ETFDH: variants seen among roughly 807,000 people sequenced by gnomAD.
ETFDH encodes the protein electron transfer flavoprotein-ubiquinone oxidoreductase, mitochondrial.
In ETFDH, 61 loss-of-function variants were observed where a neutral mutation model predicts 73.2. That is an observed-to-expected ratio of 0.83 (90% CI 0.68 to 1.03). The LOEUF is 1.03. ETFDH is among the 50% of genes least tolerant of loss of function. The probability of loss-of-function intolerance (pLI) is 0.00; values close to 1 mark genes in which losing one functional copy is unlikely to be tolerated. For missense variants in ETFDH, 685 were observed against 745.0 expected (o/e 0.92, Z 0.94); for synonymous variants, 243 against 253.3 (o/e 0.96, Z 0.39).
In ETFDH at chr4:158,699,043, G is replaced by A. The variant is rs1425390308; in HGVS notation, c.1029G>A (p.Trp343Ter). The A allele has an allele frequency of 1.9e-6, 3 of 1,613,114 alleles. No homozygotes were observed. The highest frequency in any genetic ancestry group is 2.5e-6 in the Non-Finnish European group (3 of 1,179,104). The part of the protein sequence containing the change: ...YLSPFREFQR[W>*]KHHPSIRPTL... ...GTCCATTTAGAGAGTTCCAAAGGTG[G>A]AAACACCATCCTAGCATTCGGCCAA... The change falls in exon 9 of 13, where the codon TGG becomes TGA. Residue 343 changes from tryptophan (W) to a stop codon, truncating the protein, a stop_gained. Coordinates refer to ENST00000511912, the MANE Select transcript of ETFDH (RefSeq NM_004453.4). LOFTEE classifies it high-confidence loss of function.
chr4:158,678,345 C>G (rs976660575), intron 1 of ETFDH, among the ~76,000 whole-genome samples: 4 of 152,070 alleles, frequency 2.6e-5, no homozygotes, highest in Non-Finnish European at 5.9e-5. Context: ...TGTAGAATGT[C>G]CCTCAATCTG....
Position 158,688,176 on chromosome 4 carries a change from G to A in ETFDH, c.607-2172G>A, listed in dbSNP as rs146649926. Reference sequence around the variant, plus strand: ...TGGGAGGCCCAGGTGGGCGGATCACGAGGTCAAGAGATCGAGACCATCCTG... The same window carrying A: ...TGGGAGGCCCAGGTGGGCGGATCACAAGGTCAAGAGATCGAGACCATCCTG... On this transcript the variant is annotated intron_variant, in intron 5 of 12. Coordinates refer to ENST00000511912, the MANE Select transcript of ETFDH (RefSeq NM_004453.4). 3.4e-3 allele frequency among the ~76,000 whole-genome samples: 518 copies of A among 152,178 alleles called. 1 individual carries two copies. The highest frequency in any genetic ancestry group is 0.012 in the African/African-American group (481 of 41,518).
At chr4:158,686,873 A>C (rs764477238) in intron 5 of ETFDH, among the ~76,000 whole-genome samples, 1 of 152,174 alleles carries the variant, frequency 6.6e-6, no homozygotes, top group African/African-American at 2.4e-5. Context: ...AAATTGGCTC[A>C]CAAGAGGCAG....
intron 6 of ETFDH, among the ~76,000 whole-genome samples, chr4:158,692,362 T>C (rs1430372924): frequency 7.2e-6 from 1 of 139,050 alleles, no homozygotes; most frequent in Non-Finnish European, 1.5e-5. Context: ...ATCACACCAC[T>C]GCACTCCAGC....
At chr4:158,673,689 T>C (rs1773640840) in intron 1 of ETFDH, among the ~76,000 whole-genome samples, 1 of 152,260 alleles carries the variant, frequency 6.6e-6, no homozygotes, top group Non-Finnish European at 1.5e-5. Flanking sequence ...AGATGGTGTT[T>C]GGAACGTTAA....
intron 6 of ETFDH, among the ~76,000 whole-genome samples, chr4:158,692,348 C>T (rs1774189431): frequency 7.0e-6 from 1 of 143,394 alleles, no homozygotes; most frequent in African/African-American, 2.6e-5. Flanking sequence ...TGCAGTGAGC[C>T]GAGATCACAC....
intron 1 of ETFDH, chr4:158,679,975 C>G (rs1773802702): frequency 6.7e-6 from 1 of 149,380 alleles, no homozygotes; most frequent in African/African-American, 2.5e-5. Flanking sequence ...GTCCCAGATA[C>G]TCTGGAGGCT....
intron 6 of ETFDH, among the ~76,000 whole-genome samples, chr4:158,692,810 C>T (rs1774208464): frequency 1.4e-5 from 2 of 139,264 alleles, no homozygotes; most frequent in South Asian, 2.3e-4. Flanking sequence ...CAGTGAGCCA[C>T]GATCGCACCA....
At position 158,695,617 on chromosome 4, in the gene ETFDH, C is replaced by CA; in HGVS notation, c.808dup (p.Thr270AsnfsTer13). The CA allele has an allele frequency of 6.2e-7, 1 of 1,611,800 alleles. No individual in the cohort carries two copies. The highest frequency in any genetic ancestry group is 8.5e-7 in the Non-Finnish European group (1 of 1,177,966). On this transcript the variant is annotated frameshift_variant, in exon 7 of 13. Transcript: ENST00000511912. LOFTEE classifies it high-confidence loss of function. ...TGATTTGAGAGCAAATTGTGAACCT[C>CA]AAACCTACGGGATTGGACTGAAGGA...
At chr4:158,691,102 T>C (rs1337103157) in intron 6 of ETFDH, among the ~76,000 whole-genome samples, 3 of 152,182 alleles carry the variant, frequency 2.0e-5, no homozygotes, top group Non-Finnish European at 2.9e-5. Flanking sequence ...AAAGATTTTA[T>C]TTCATTTAGT....
chr4:158,673,204 T>A (rs551994380), intron 1 of ETFDH, among the ~76,000 whole-genome samples: 20 of 152,278 alleles, frequency 1.3e-4, no homozygotes, highest in African/African-American at 4.6e-4. Flanking sequence ...CTCAGGAGGC[T>A]TAGGTAGGAG....
Position 158,691,603 on chromosome 4 carries a change from G to A in ETFDH, c.684+1178G>A, listed in dbSNP as rs184136015. On this transcript the variant is annotated intron_variant, in intron 6 of 12. Transcript: ENST00000511912. Reference sequence around the variant, plus strand: ...CTCCCAAATTGCTGGGATTACAGGCGTGAGCCACCGTGCCTGGCCTTTATC... The same window carrying A: ...CTCCCAAATTGCTGGGATTACAGGCATGAGCCACCGTGCCTGGCCTTTATC... Among the ~76,000 whole-genome samples, 1,003 of 152,296 alleles carry A rather than the reference G, an allele frequency of 6.6e-3. 10 individuals are homozygous for A. The highest frequency in any genetic ancestry group is 0.044 in the Middle Eastern group (13 of 294).
intron 6 of ETFDH, among the ~76,000 whole-genome samples, chr4:158,691,056 A>G (rs1199305038): frequency 6.6e-6 from 1 of 152,210 alleles, no homozygotes; most frequent in African/African-American, 2.4e-5. Flanking sequence ...AAAGATAATA[A>G]CATACAAATA....
intron 6 of ETFDH, among the ~76,000 whole-genome samples, chr4:158,693,962 T>C (rs1382401127): frequency 1.3e-5 from 2 of 152,202 alleles, no homozygotes; most frequent in Non-Finnish European, 2.9e-5. Flanking sequence ...GATACTTAAA[T>C]ATGTTTTTTT....
intron 9 of ETFDH, chr4:158,701,013 G>A (rs1324749098): frequency 1.3e-5 from 2 of 152,152 alleles, no homozygotes; most frequent in Non-Finnish European, 2.9e-5. Flanking sequence ...TTCTTCAGCT[G>A]ACTATACCAA....
At chr4:158,692,809 A>G (rs149720194) in intron 6 of ETFDH, among the ~76,000 whole-genome samples, 1,666 of 146,826 alleles carry the variant, frequency 0.011, 25 homozygotes, top group African/African-American at 0.037. Flanking sequence ...GCAGTGAGCC[A>G]CGATCGCACC....
intron 12 of ETFDH, 70 bp from the exon 13 acceptor site, chr4:158,708,294 A>T: frequency 1.7e-6 from 2 of 1,197,760 alleles, no homozygotes. Flanking sequence ...CTCTTTCCTT[A>T]ATTTTTACTT....
chr4:158,679,562 G>A (rs1773792248), intron 1 of ETFDH: 1 of 152,142 alleles, frequency 6.6e-6, no homozygotes, highest in South Asian at 2.1e-4. Flanking sequence ...TACTGCCAAG[G>A]AGTTGAGAAA....
rs974765941 is a variant in ETFDH, at chr4:158,672,601, G to A, written c.34+111G>A. 1.0e-5 allele frequency: 11 copies of A among 1,102,152 alleles called. No individual in the cohort carries two copies. The African/African-American group carries it at 1.7e-4, about 17-fold the overall frequency. 68.3% of individuals were successfully genotyped at this position (1,102,152 alleles called of 1,614,324 possible). On this transcript the variant is annotated intron_variant, in intron 1 of 12. Coordinates refer to ENST00000511912, the MANE Select transcript of ETFDH (RefSeq NM_004453.4). ...CCCCTTCTCTCATCAGCTTTCTCAG[G>A]CTATCTAGGGCAAAGGTCACGCGCT...
Sources: gnomAD v4.1 joint callset for allele counts (sites outside exome capture counted in the v4.1 genomes callset) on GRCh38, gnomAD v4.1.1 for gene constraint, MANE v1.5 for transcripts, NCBI Gene and HGNC (gene_info 2026-07-23, HGNC 2026-07-21) for gene names.